PLAU: variants seen among roughly 807,000 people sequenced by gnomAD.
PLAU encodes the protein urokinase-type plasminogen activator.
Under a neutral mutation model 48.9 loss-of-function variants are expected in PLAU, and 32 were observed. The ratio of observed to expected loss-of-function variants is 0.65; its 90% confidence interval spans 0.49 to 0.88. The LOEUF (loss-of-function observed/expected upper bound fraction) is 0.88, where lower values mean the gene tolerates loss of function less well. Among genes scored for constraint, PLAU ranks in the 40% least tolerant of loss-of-function variants. The pLI, the probability that PLAU is intolerant of heterozygous loss-of-function variation, is 0.00. For synonymous variants in PLAU, 199 were observed against 205.7 expected (o/e 0.97, Z 0.28); for missense variants, 455 against 545.2 (o/e 0.83, Z 1.65).
At chr10:73,911,840 T>G (rs1320397316) in intron 2 of PLAU, 1 of 1,552,162 alleles carries the variant, frequency 6.4e-7, no homozygotes, top group Non-Finnish European at 8.7e-7. Flanking sequence ...CCTGCGGGCA[T>G]CTGGTAGATG....
chr10:73,910,810 T>G (rs568057544), upstream of PLAU: 9 of 152,424 alleles, frequency 5.9e-5, no homozygotes, highest in South Asian at 4.1e-4. Flanking sequence ...CCCAGGAGGC[T>G]TCAGAGCTGG....
intron 1 of PLAU, 151 bp from the exon 2 acceptor site, chr10:73,911,374 C>A: frequency 2.4e-6 from 2 of 843,274 alleles, no homozygotes; most frequent in Admixed American, 2.2e-5. Context: ...CCGCGGGTGC[C>A]GATCCAGGCT....
At chr10:73,911,814 G>T in intron 2 of PLAU, 1 of 1,551,786 alleles carries the variant, frequency 6.4e-7, no homozygotes, top group South Asian at 1.2e-5. Context: ...GGAAGAGGCC[G>T]CCGGGACTGC....
intron 1 of PLAU, 52 bp downstream of exon 1, chr10:73,911,270 T>C: frequency 4.0e-6 from 2 of 504,624 alleles, no homozygotes; most frequent in Non-Finnish European, 3.5e-6. Context: ...CGGCCCCAGC[T>C]CCCGAGCGTC....
upstream of PLAU, among the ~76,000 whole-genome samples, chr10:73,909,725 C>G (rs928603804): frequency 6.6e-6 from 1 of 152,212 alleles, no homozygotes; most frequent in Non-Finnish European, 1.5e-5. Flanking sequence ...GGCCCAAAGC[C>G]GCTAGTGGAT....
At chr10:73,913,914 G>A (rs759636982) in intron 7 of PLAU, 66 bp from the exon 8 acceptor site, 1 of 1,530,318 alleles carries the variant, frequency 6.5e-7, no homozygotes, top group Non-Finnish European at 9.0e-7. Flanking sequence ...GAGGCCTCTA[G>A]GGAGGGAAGG....
In PLAU at chr10:73,913,319, G is replaced by T; in HGVS notation, c.398G>T (p.Cys133Phe). The change falls in exon 6 of 11, where the codon TGC becomes TTC. Residue 133 changes from cysteine to phenylalanine, a missense_variant. By Grantham distance (205) the Cys-to-Phe change is radical. Transcript: ENST00000372764. ...CCAGACAACCGGAGGCGACCCTGGT[G>T]CTATGTGCAGGTGGGCCTAAAGCTG... is the stretch of plus-strand genomic sequence containing the variant. The part of the protein sequence containing the change: ...RNPDNRRRPW[C>F]YVQVGLKLLV... 1 of 1,614,210 alleles carries T rather than the reference G, an allele frequency of 6.2e-7. No homozygotes were observed. The highest frequency in any genetic ancestry group is 1.1e-5 in the South Asian group (1 of 91,086).
At position 73,917,116 on chromosome 10, in the gene PLAU, G is replaced by C. The variant is rs897196372; in HGVS notation, c.*551G>C. The C allele has an allele frequency of 6.5e-6, 1 of 154,178 alleles. No homozygotes were observed. 9.6% of individuals were successfully genotyped at this position (154,178 alleles called of 1,614,324 possible). A position where few individuals can be genotyped will look rare whatever the true frequency, so the allele number is the denominator to read the frequency against. ...GTTTGCACACTTGTGTGTGGGCTGT[G>C]AGTGTAAGTGTGAGTAAGAGCTGGT... On this transcript the variant is annotated 3_prime_UTR_variant, in exon 11 of 11. Coordinates refer to ENST00000372764, the MANE Select transcript of PLAU (RefSeq NM_002658.6).
chr10:73,915,182 C>T, intron 9 of PLAU, 69 bp from the exon 10 acceptor site: 1 of 1,484,650 alleles, frequency 6.7e-7, no homozygotes, highest in East Asian at 2.3e-5. Context: ...TTTATGGTTC[C>T]CCTCTCTGGC....
chr10:73,909,143 C>T (rs1035820139), upstream of PLAU: 1 of 152,154 alleles, frequency 6.6e-6, no homozygotes, highest in African/African-American at 2.4e-5. Context: ...CTCCAAACCT[C>T]TTTGTCCAGG....
At chr10:73,915,217 T>C (rs747155451) in intron 9 of PLAU, 34 bp from the exon 10 acceptor site, 38 of 1,595,914 alleles carry the variant, frequency 2.4e-5, no homozygotes, top group Non-Finnish European at 2.7e-5. Context: ...CAGATAAATC[T>C]TGATGCAAAC....
In PLAU at chr10:73,916,542, G is replaced by T; in HGVS notation, c.1273G>T (p.Glu425Ter). The T allele has an allele frequency of 1.2e-6, 2 of 1,613,086 alleles. No individual in the cohort carries two copies. Among genetic ancestry groups the T allele is most frequent in the Non-Finnish European group, 1.7e-6 (2 of 1,179,398 alleles). The change falls in exon 11 of 11, where the codon GAA (glutamate) becomes TAA (stop). Residue 425 changes from glutamate to a stop codon, truncating the protein, a stop_gained. Coordinates refer to ENST00000372764, the MANE Select transcript of PLAU (RefSeq NM_002658.6). LOFTEE classifies it high-confidence loss of function. ...ACCCTGGATCCGCAGTCACACCAAGGAAGAGAATGGCCTGGCCCTCTGAGG... is the reference window on the plus strand; with the variant it reads ...ACCCTGGATCCGCAGTCACACCAAGTAAGAGAATGGCCTGGCCCTCTGAGG... ...FLPWIRSHTK[E>*]ENGLAL
chr10:73,913,237 C>CA, intron 5 of PLAU, 53 bp from the exon 6 acceptor site: 1 of 1,590,398 alleles, frequency 6.3e-7, no homozygotes, highest in South Asian at 1.1e-5. Flanking sequence ...GGGGAGGAGG[C>CA]AGGGAAGGCC....
intron 2 of PLAU, 157 bp from the exon 3 acceptor site, chr10:73,911,884 G>T: frequency 6.4e-7 from 1 of 1,561,230 alleles, no homozygotes; most frequent in Non-Finnish European, 8.7e-7. Flanking sequence ...TCTCCTGGCT[G>T]GAAACCCATG....
intron 9 of PLAU, 102 bp downstream of exon 9, chr10:73,915,018 G>C: frequency 7.6e-7 from 1 of 1,324,016 alleles, no homozygotes; most frequent in Non-Finnish European, 1.1e-6. Flanking sequence ...AGAGGTGGGA[G>C]CACTGAGGCG....
chr10:73,914,061 T>C lies in PLAU; in HGVS notation c.762T>C (p.Phe254=). Residue 254 remains phenylalanine, a synonymous_variant, in exon 8 of 11, where the codon TTT becomes TTC. Transcript: ENST00000372764. ...CCAACACGCAAGGGGAGATGAAGTT[T>C]GAGGTGGAAAACCTCATCCTACACA... ...LNSNTQGEMK[F]EVENLILHKD... The C allele has an allele frequency of 6.2e-7, 1 of 1,614,204 alleles. No homozygotes were observed. Among genetic ancestry groups the C allele is most frequent in the South Asian group, 1.1e-5 (1 of 91,088 alleles).
At position 73,916,396 on chromosome 10, in the gene PLAU, CA is replaced by C. The variant is rs1205524825; in HGVS notation, c.1128del (p.Gly378AspfsTer11). On this transcript the variant is annotated frameshift_variant, in exon 11 of 11. Transcript: ENST00000372764. LOFTEE classifies it low-confidence loss of function (END_TRUNC). Reference sequence around the variant, plus strand: ...GTATCTTTGGCGTCACAGGGAGACTCAGGGGGACCCCTCGTCTGTTCCCTCC... The same window carrying C: ...GTATCTTTGGCGTCACAGGGAGACTCGGGGGACCCCTCGTCTGTTCCCTCC... ...QWKTDSCQGDSGGPLVCSLQG... is the reference protein window; with the variant it reads ...QWKTDSCQGDXGGPLVCSLQG... The C allele has an allele frequency of 2.5e-6, 4 of 1,612,652 alleles. No homozygotes were observed. The highest frequency in any genetic ancestry group is 1.7e-5 in the Admixed American group (1 of 59,822).
chr10:73,913,645 C>G lies in PLAU; in HGVS notation c.567C>G (p.Asn189Lys), dbSNP rs761463492. 3.7e-6 allele frequency: 6 copies of G among 1,613,912 alleles called. No homozygotes were observed. In the Admixed American group the frequency reaches 1.0e-4, roughly 27 times the overall value. The change falls in exon 7 of 11, where the codon AAC (asparagine) becomes AAG (lysine). Residue 189 changes from asparagine (N) to lysine (K), a missense_variant. Transcript: ENST00000372764. ...GGGGAGAATTCACCACCATCGAGAA[C>G]CAGCCCTGGTTTGCGGCCATCTACA... The part of the protein sequence containing the change: ...IIGGEFTTIE[N>K]QPWFAAIYRR...
Position 73,916,503 on chromosome 10 carries a change from G to C in PLAU, c.1234G>C (p.Val412Leu), listed in dbSNP as rs376883758. 1 of 1,613,912 alleles carries C rather than the reference G, an allele frequency of 6.2e-7. No individual in the cohort carries two copies. Among genetic ancestry groups the C allele is most frequent in the African/African-American group, 1.3e-5 (1 of 74,942 alleles). ...LKDKPGVYTR[V>L]SHFLPWIRSH... ...GGACAAGCCAGGCGTCTACACGAGAGTCTCACACTTCTTACCCTGGATCCG... is the reference window on the plus strand; with the variant it reads ...GGACAAGCCAGGCGTCTACACGAGACTCTCACACTTCTTACCCTGGATCCG... The change falls in exon 11 of 11, where the codon GTC becomes CTC. Residue 412 changes from valine to leucine, a missense_variant. By Grantham distance (32) the Val-to-Leu change is conservative. Transcript: ENST00000372764.
Sources: allele counts gnomAD v4.1 joint callset (sites outside exome capture counted in the v4.1 genomes callset), GRCh38; gene constraint gnomAD v4.1.1; transcripts MANE v1.5; gene names NCBI Gene and HGNC (gene_info 2026-07-23, HGNC 2026-07-21).